CENPN: variants seen among roughly 807,000 people sequenced by gnomAD.
CENPN encodes the protein centromere protein N, also known as interphase centromere complex protein 32.
In CENPN, 36 loss-of-function variants were observed where a neutral mutation model predicts 48.6. The observed-to-expected ratio is 0.74, with a 90% CI of 0.57 to 0.98. The LOEUF is 0.98. CENPN is among the 50% of genes least tolerant of loss of function. The pLI is 0.00. For missense variants in CENPN, 439 were observed against 399.2 expected (o/e 1.10, Z -0.85); for synonymous variants, 166 against 135.2 (o/e 1.23, Z -1.58).
downstream of CENPN, among the ~76,000 whole-genome samples, chr16:81,031,902 C>T (rs554606807): frequency 6.6e-6 from 1 of 152,272 alleles, no homozygotes; most frequent in Admixed American, 6.5e-5. Flanking sequence ...AGTGCCCAGC[C>T]AAAATTCTAT....
At chr16:81,020,840 A>T (rs1970156221) in intron 6 of CENPN, among the ~76,000 whole-genome samples, 1 of 152,206 alleles carries the variant, frequency 6.6e-6, no homozygotes, top group Admixed American at 6.5e-5. Flanking sequence ...CTGTAATCCC[A>T]ATACTTTGGG....
Position 81,028,912 on chromosome 16 carries a change from T to C in CENPN, c.*261T>C, listed in dbSNP as rs1970641012. On this transcript the variant is annotated 3_prime_UTR_variant, in exon 11 of 11. Transcript: ENST00000305850. ...TATATATATGGCCCCACACTTGACC[T>C]TGAGTGCCTGAATGCTCTGAAATCA... The C allele has an allele frequency of 1.8e-6, 2 of 1,133,372 alleles. No individual in the cohort carries two copies. The highest frequency in any genetic ancestry group is 1.6e-5 in the African/African-American group (1 of 61,476). The allele number at this position is 1,133,372 out of a possible 1,614,324, so 70.2% of individuals were successfully genotyped here. A position where few individuals can be genotyped will look rare whatever the true frequency, so the allele number is the denominator to read the frequency against.
intron 7 of CENPN, chr16:81,024,119 A>G (rs1970351444): frequency 6.6e-6 from 1 of 152,104 alleles, no homozygotes; most frequent in African/African-American, 2.4e-5. Context: ...GCATGCCTAT[A>G]GTCCCAGCTA....
chr16:81,028,895 T>C lies in CENPN; in HGVS notation c.*244T>C, dbSNP rs1254516523. 1.7e-6 allele frequency: 2 copies of C among 1,203,142 alleles called. No individual in the cohort carries two copies. The highest frequency in any genetic ancestry group is 1.6e-5 in the African/African-American group (1 of 62,800). The allele number at this position is 1,203,142 out of a possible 1,614,324, so 74.5% of individuals were successfully genotyped here. On this transcript the variant is annotated 3_prime_UTR_variant, in exon 11 of 11. Coordinates refer to ENST00000305850, the MANE Select transcript of CENPN (RefSeq NM_001100624.3). The stretch of plus-strand genomic sequence containing the variant: ...TGAGATGACAGGACATATATATATA[T>C]GGCCCCACACTTGACCTTGAGTGCC...
Position 81,031,394 on chromosome 16 carries a change from C to T in CENPN, c.*2743C>T, listed in dbSNP as rs1050229339. On this transcript the variant is annotated 3_prime_UTR_variant, in exon 11 of 11. Coordinates refer to ENST00000305850, the MANE Select transcript of CENPN (RefSeq NM_001100624.3). Reference sequence around the variant, plus strand: ...CTTTTTTTAAAAACCCCTCCTCTACCCTCTCTCTTCAGAACACAAGTGGCT... The same window carrying T: ...CTTTTTTTAAAAACCCCTCCTCTACTCTCTCTCTTCAGAACACAAGTGGCT... 1 of 152,182 alleles carries T rather than the reference C, an allele frequency of 6.6e-6. No homozygotes were observed. The highest frequency in any genetic ancestry group is 2.4e-5 in the African/African-American group (1 of 41,440). 9.4% of individuals were successfully genotyped at this position (152,182 alleles called of 1,614,324 possible). A position where few individuals can be genotyped will look rare whatever the true frequency, so the allele number is the denominator to read the frequency against.
intron 3 of CENPN, chr16:81,017,079 C>T: frequency 2.9e-6 from 1 of 346,534 alleles, no homozygotes; most frequent in Non-Finnish European, 5.2e-6. Context: ...AATAAATGGG[C>T]TAACATAGAA....
Position 81,020,098 on chromosome 16 carries a change from A to C in CENPN, c.355-2A>C. 1 of 1,588,524 alleles carries C rather than the reference A, an allele frequency of 6.3e-7. No individual in the cohort carries two copies. The highest frequency in any genetic ancestry group is 1.4e-5 in the African/African-American group (1 of 72,880). ...AAGCCTTTTTTTTTTTTCTTTAATA[A>C]GGTGACAGTCAGCTTCAGAGAAACT... On this transcript the variant is annotated splice_acceptor_variant, in intron 5 of 10. Transcript: ENST00000305850. LOFTEE classifies it high-confidence loss of function.
intron 6 of CENPN, among the ~76,000 whole-genome samples, chr16:81,021,881 A>G (rs530285544): frequency 6.6e-6 from 1 of 152,078 alleles, no homozygotes; most frequent in Non-Finnish European, 1.5e-5. Context: ...CAGCCTCCCA[A>G]GTAGCTGGGA....
chr16:81,016,786 CACATACAT>C lies in CENPN; in HGVS notation c.218-526_218-519del, dbSNP rs71272433. On this transcript the variant is annotated intron_variant, in intron 3 of 10. Transcript: ENST00000305850. ...TCAAAAAATAATAATAATAAATACA[CACATACAT>C]ACATACATACATAATGTGACATCAG... 4.3e-3 allele frequency: 655 copies of C among 152,872 alleles called. 1 individual carries two copies. The highest frequency in any genetic ancestry group is 7.0e-3 in the Non-Finnish European group (477 of 68,626). 9.5% of individuals were successfully genotyped at this position (152,872 alleles called of 1,614,324 possible).
intron 1 of CENPN, among the ~76,000 whole-genome samples, chr16:81,009,474 G>A (rs544779717): frequency 6.6e-6 from 1 of 152,218 alleles, no homozygotes; most frequent in South Asian, 2.1e-4. Context: ...CGCAACACGG[G>A]GCCTTGTAGA....
chr16:81,019,968 A>G (rs1970105933), intron 5 of CENPN, 132 bp from the exon 6 acceptor site: 2 of 574,656 alleles, frequency 3.5e-6, no homozygotes, highest in East Asian at 3.2e-5. Context: ...AAAAGCAGAA[A>G]AGACTGCCAG....
intron 5 of CENPN, among the ~76,000 whole-genome samples, chr16:81,018,377 T>C (rs369449774): frequency 2.0e-5 from 3 of 152,140 alleles, no homozygotes; most frequent in East Asian, 3.9e-4. Flanking sequence ...TTTCTCCATG[T>C]TGACCAGGCT....
At position 81,017,770 on chromosome 16, in the gene CENPN, A is replaced by C. The variant is rs749532476; in HGVS notation, c.290A>C (p.Asp97Ala). The C allele has an allele frequency of 6.3e-7, 1 of 1,587,912 alleles. No homozygotes were observed. The highest frequency in any genetic ancestry group is 8.6e-7 in the Non-Finnish European group (1 of 1,169,550). ...QMSKGPGEDVDLFDMKQFKNS... is the reference protein window; with the variant it reads ...QMSKGPGEDVALFDMKQFKNS... ...TTCACTTTGGCAGGTGAAGATGTTG[A>C]CCTTTTTGATATGAAACAATTTAAA... Residue 97 changes from aspartate to alanine, a missense_variant, in exon 5 of 11, where the codon GAC (aspartate) becomes GCC (alanine). Asp to Ala is a moderately radical substitution (Grantham distance 126, BLOSUM62 -2). Transcript: ENST00000305850.
At chr16:81,012,952 A>T (rs973062266) in intron 2 of CENPN, among the ~76,000 whole-genome samples, 1 of 152,250 alleles carries the variant, frequency 6.6e-6, no homozygotes, top group Admixed American at 6.5e-5. Context: ...ACAGAAATTT[A>T]TGATGAGAAA....
At chr16:81,012,747 C>T (rs1189822074) in intron 2 of CENPN, among the ~76,000 whole-genome samples, 2 of 152,118 alleles carry the variant, frequency 1.3e-5, no homozygotes, top group East Asian at 3.8e-4. Flanking sequence ...AGGCACGCAC[C>T]ACCACACTGG....
intron 3 of CENPN, 75 bp from the exon 4 acceptor site, chr16:81,017,251 T>A (rs1472650041): frequency 1.0e-6 from 1 of 964,430 alleles, no homozygotes; most frequent in Non-Finnish European, 1.6e-6. Context: ...AGTTTTAAAG[T>A]ATAGAAATAT....
At chr16:81,010,913 C>T (rs1446511608) in intron 1 of CENPN, among the ~76,000 whole-genome samples, 1 of 152,156 alleles carries the variant, frequency 6.6e-6, no homozygotes, top group Non-Finnish European at 1.5e-5. Flanking sequence ...CCTCTGCCCT[C>T]GCCTCCTTAC....
At chr16:81,022,846 G>T (rs772514530) in intron 7 of CENPN, 148 bp downstream of exon 7, 1 of 1,612,610 alleles carries the variant, frequency 6.2e-7, no homozygotes, top group South Asian at 1.1e-5. Context: ...TAGTGAACAT[G>T]AAAGGAAAAT....
intron 6 of CENPN, chr16:81,022,390 C>T: frequency 2.0e-6 from 1 of 507,790 alleles, no homozygotes; most frequent in Non-Finnish European, 3.5e-6. Context: ...AGAAATGATA[C>T]AAAAGACTGC....
Sources: gnomAD v4.1 joint callset for allele counts (sites outside exome capture counted in the v4.1 genomes callset) on GRCh38, gnomAD v4.1.1 for gene constraint, MANE v1.5 for transcripts, NCBI Gene and HGNC (gene_info 2026-07-23, HGNC 2026-07-21) for gene names.